Variants in SH3RF3 observed in about 807,000 individuals in gnomAD.
The protein encoded by SH3RF3 is SH3 domain containing ring finger 3.
Under a neutral mutation model 66.3 loss-of-function variants are expected in SH3RF3, and 29 were observed. The ratio of observed to expected loss-of-function variants is 0.44; its 90% CI spans 0.33 to 0.60. The LOEUF (loss-of-function observed/expected upper bound fraction) is 0.60. SH3RF3 is among the 20% of genes least tolerant of loss of function. The pLI is 0.04. For synonymous variants in SH3RF3, 583 were observed against 532.0 expected, an observed-to-expected ratio of 1.10 and a Z score of -1.32; for missense variants, 1,194 against 1,190.9, an observed-to-expected ratio of 1.00 and a Z score of -0.04.
At chr2:109,320,532 C>T (rs1344908307) in intron 1 of SH3RF3, among the ~76,000 whole-genome samples, 2 of 152,220 alleles carry the variant, frequency 1.3e-5, no homozygotes, top group Non-Finnish European at 2.9e-5. Flanking sequence ...GTCCTACCTG[C>T]TGGATACATG....
At chr2:109,251,855 T>C (rs1315555857) in intron 1 of SH3RF3, among the ~76,000 whole-genome samples, 2 of 152,182 alleles carry the variant, frequency 1.3e-5, no homozygotes, top group Non-Finnish European at 2.9e-5. Context: ...TTAAAGTACA[T>C]AATGAGTTTT....
rs141863760 is a variant in SH3RF3 at position 109,454,209 on chromosome 2, A to G, written c.2148+4720A>G. 2.2e-3 allele frequency among the ~76,000 whole-genome samples: 330 copies of G among 152,288 alleles called. 2 individuals are homozygous for G. Among genetic ancestry groups the G allele is most frequent in the African/African-American group, 7.8e-3 (323 of 41,558 alleles). ...GGAGGAAATACTTACAACAATTACA[A>G]TCCTCATTTCTGTAGCTGTTCACAT... On this transcript the variant is annotated intron_variant, in intron 8 of 9. Transcript: ENST00000309415.
chr2:109,247,119 G>A (rs1054979206), intron 1 of SH3RF3, among the ~76,000 whole-genome samples: 26 of 152,160 alleles, frequency 1.7e-4, no homozygotes, highest in African/African-American at 5.8e-4. Context: ...GTAATCCCAT[G>A]GGTGTATGGA....
At chr2:109,185,517 A>G (rs1277518512) in intron 1 of SH3RF3, among the ~76,000 whole-genome samples, 1 of 152,252 alleles carries the variant, frequency 6.6e-6, no homozygotes, top group Non-Finnish European at 1.5e-5. Context: ...AGGTGCAGAC[A>G]TCACAGGGCA....
intron 1 of SH3RF3, among the ~76,000 whole-genome samples, chr2:109,256,475 CAG>C (rs68083073): frequency 0.05 from 7,649 of 152,184 alleles, 629 homozygotes; most frequent in African/African-American, 0.17. Flanking sequence ...CTCATGGAAA[CAG>C]GGGAGATTTG....
At chr2:109,207,224 A>G (rs1487818327) in intron 1 of SH3RF3, among the ~76,000 whole-genome samples, 1 of 152,186 alleles carries the variant, frequency 6.6e-6, no homozygotes, top group African/African-American at 2.4e-5. Flanking sequence ...ACAGCAGTTC[A>G]TTTTTATGAG....
intron 1 of SH3RF3, among the ~76,000 whole-genome samples, chr2:109,223,376 T>A (rs1679299981): frequency 6.6e-6 from 1 of 151,892 alleles, no homozygotes; most frequent in Admixed American, 6.6e-5. Flanking sequence ...GAAGCAGGAG[T>A]GGCCACTAGG....
At chr2:109,239,829 C>T (rs1248573529) in intron 1 of SH3RF3, among the ~76,000 whole-genome samples, 1 of 152,188 alleles carries the variant, frequency 6.6e-6, no homozygotes, top group African/African-American at 2.4e-5. Context: ...ATCCCCACAG[C>T]TCACAGCAAC....
At chr2:109,301,566 G>A (rs900872689) in intron 1 of SH3RF3, among the ~76,000 whole-genome samples, 2 of 152,172 alleles carry the variant, frequency 1.3e-5, no homozygotes, top group Admixed American at 1.3e-4. Context: ...CACAGCCTCT[G>A]ACAGCCTAGT....
intron 9 of SH3RF3, among the ~76,000 whole-genome samples, chr2:109,492,195 T>C (rs994122280): frequency 4.6e-5 from 7 of 152,202 alleles, no homozygotes; most frequent in African/African-American, 1.7e-4. Context: ...CGTACAATTT[T>C]CGTAGGTCAT....
chr2:109,200,752 G>A (rs1330063722), intron 1 of SH3RF3, among the ~76,000 whole-genome samples: 2 of 152,136 alleles, frequency 1.3e-5, no homozygotes, highest in Non-Finnish European at 2.9e-5. Flanking sequence ...CACCCCTCAT[G>A]CCCACTCCAT....
chr2:109,467,114 G>T (rs551170083), intron 8 of SH3RF3, among the ~76,000 whole-genome samples: 7 of 152,218 alleles, frequency 4.6e-5, no homozygotes, highest in Non-Finnish European at 8.8e-5. Context: ...AGTTAAACAT[G>T]CCACCTGTCA....
chr2:109,417,858 A>G (rs1392252940), intron 4 of SH3RF3, among the ~76,000 whole-genome samples: 2 of 152,188 alleles, frequency 1.3e-5, no homozygotes, highest in Non-Finnish European at 2.9e-5. Context: ...GGCCGGCGGC[A>G]TGCAGAGGTT....
chr2:109,290,081 G>C (rs1452537115), intron 1 of SH3RF3, among the ~76,000 whole-genome samples: 1 of 152,218 alleles, frequency 6.6e-6, no homozygotes, highest in Non-Finnish European at 1.5e-5. Flanking sequence ...AATCTCTCTT[G>C]TGATGCCAAT....
At chr2:109,226,284 A>G (rs958862219) in intron 1 of SH3RF3, among the ~76,000 whole-genome samples, 4 of 152,208 alleles carry the variant, frequency 2.6e-5, no homozygotes, top group Non-Finnish European at 4.4e-5. Context: ...AAGAGTAGTT[A>G]TGTAAACAGA....
chr2:109,257,358 G>T (rs541675706), intron 1 of SH3RF3, among the ~76,000 whole-genome samples: 1 of 151,422 alleles, frequency 6.6e-6, no homozygotes, highest in African/African-American at 2.4e-5. Context: ...AGGAGGGAAT[G>T]AAAGAAGGAG....
chr2:109,249,817 C>T (rs58426579), intron 1 of SH3RF3, among the ~76,000 whole-genome samples: 8,979 of 151,244 alleles, frequency 0.059, 782 homozygotes, highest in African/African-American at 0.2. Context: ...CCACCGCGCC[C>T]GGCTAATTTT....
chr2:109,356,457 C>T (rs1185158206), intron 2 of SH3RF3, among the ~76,000 whole-genome samples: 2 of 152,212 alleles, frequency 1.3e-5, no homozygotes, highest in Admixed American at 6.5e-5. Flanking sequence ...GCACGACACT[C>T]GACATGCTTG....
intron 1 of SH3RF3, among the ~76,000 whole-genome samples, chr2:109,202,518 G>A (rs956846926): frequency 6.6e-6 from 1 of 152,182 alleles, no homozygotes; most frequent in Non-Finnish European, 1.5e-5. Context: ...TGGGTAGCTG[G>A]TGGGTGGTCA....
Sources: gnomAD v4.1 joint callset for allele counts (sites outside exome capture counted in the v4.1 genomes callset) on GRCh38, gnomAD v4.1.1 for gene constraint, MANE v1.5 for transcripts, NCBI Gene and HGNC (gene_info 2026-07-23, HGNC 2026-07-21) for gene names.